Variants in NAALADL2 observed in about 807,000 individuals in gnomAD.
NAALADL2 encodes N-acetylated alpha-linked acidic dipeptidase like 2.
NAALADL2 carries 76 observed loss-of-function variants against 87.2 expected under a neutral mutation model. The ratio of observed to expected loss-of-function variants is 0.87; its 90% CI spans 0.72 to 1.05. NAALADL2 has a LOEUF of 1.05. NAALADL2 is among the 50% of genes least tolerant of loss of function. The pLI is 0.00. For missense variants in NAALADL2, 1,089 were observed against 945.8 expected, an observed-to-expected ratio of 1.15 and a Z score of -1.99; for synonymous variants, 354 against 331.0, an observed-to-expected ratio of 1.07 and a Z score of -0.75.
chr3:175,449,998 A>G (rs1188037866), intron 6 of NAALADL2, among the ~76,000 whole-genome samples: 2 of 152,230 alleles, frequency 1.3e-5, no homozygotes, highest in Admixed American at 1.3e-4. Context: ...AATACAGAAT[A>G]TACATTTAAA....
intron 1 of NAALADL2, among the ~76,000 whole-genome samples, chr3:174,527,346 C>T (rs1720860630): frequency 6.6e-6 from 1 of 151,822 alleles, no homozygotes; most frequent in South Asian, 2.1e-4. Context: ...TGGTGAAACT[C>T]TGTCTCTACT....
chr3:175,134,338 C>T (rs1204519094), intron 2 of NAALADL2, among the ~76,000 whole-genome samples: 1 of 152,150 alleles, frequency 6.6e-6, no homozygotes, highest in Admixed American at 6.5e-5. Context: ...TATTTGTGCA[C>T]GTTTCTATTG....
At position 174,765,380 on chromosome 3, in the gene NAALADL2, A is replaced by G. The variant is rs115966059; in HGVS notation, c.-9+27634A>G. ...TTACCAGCATAGAGAGAAAATGTTT[A>G]GTTTTATATTTATTACTAAATAAGT... is the stretch of plus-strand genomic sequence containing the variant. On this transcript the variant is annotated intron_variant, in intron 3 of 3. Coordinates refer to the NAALADL2 transcript ENST00000434257. 3.1e-3 allele frequency among the ~76,000 whole-genome samples: 469 copies of G among 152,334 alleles called. 2 individuals are homozygous for G. The highest frequency in any genetic ancestry group is 0.011 in the African/African-American group (449 of 41,580).
intron 1 of NAALADL2, among the ~76,000 whole-genome samples, chr3:174,913,474 T>C (rs1392705628): frequency 2.0e-5 from 3 of 152,192 alleles, no homozygotes; most frequent in Non-Finnish European, 4.4e-5. Context: ...GTCTGATTAA[T>C]GAGTAACATG....
chr3:175,407,447 C>A (rs1712614085), intron 5 of NAALADL2, among the ~76,000 whole-genome samples: 1 of 152,138 alleles, frequency 6.6e-6, no homozygotes, highest in Non-Finnish European at 1.5e-5. Flanking sequence ...AAGCAAAGCA[C>A]TCTATATGTT....
At chr3:175,497,829 C>T (rs565012892) in intron 9 of NAALADL2, among the ~76,000 whole-genome samples, 21 of 152,034 alleles carry the variant, frequency 1.4e-4, no homozygotes, top group Non-Finnish European at 2.8e-4. Flanking sequence ...CAAATCATAA[C>T]TAAGTTTCAG....
rs181544382 is a variant in NAALADL2, at chr3:175,138,988, C to A, written c.545+41697C>A. On this transcript the variant is annotated intron_variant, in intron 2 of 13. Transcript: ENST00000454872. ...TTTACAAATATCTTTTCAAGAGTTG[C>A]AAAAATTATGTATTTTAAATGTGTT... Among the ~76,000 whole-genome samples, 472 of 143,954 alleles carry A rather than the reference C, an allele frequency of 3.3e-3. 3 individuals are homozygous for A. Among genetic ancestry groups the A allele is most frequent in the Non-Finnish European group, 5.7e-3 (384 of 66,816 alleles). 94.4% of individuals were successfully genotyped at this position (143,954 alleles called of 152,430 possible). A position where few individuals can be genotyped will look rare whatever the true frequency, so the allele number is the denominator to read the frequency against.
intron 1 of NAALADL2, among the ~76,000 whole-genome samples, chr3:175,084,415 G>T (rs1209805116): frequency 1.3e-5 from 2 of 152,138 alleles, no homozygotes; most frequent in African/African-American, 4.8e-5. Context: ...TAGCTCTGCT[G>T]CTTCTCCTCG....
At chr3:174,864,200 A>G in intron 1 of NAALADL2, 1 of 359,616 alleles carries the variant, frequency 2.8e-6, no homozygotes. Context: ...GAGATTAGGA[A>G]AACAAAATCT....
At chr3:174,598,187 CATT>C (rs2108602816) in intron 2 of NAALADL2, among the ~76,000 whole-genome samples, 1 of 152,148 alleles carries the variant, frequency 6.6e-6, no homozygotes, top group East Asian at 1.9e-4. Context: ...TGGTAAACAT[CATT>C]TAAAATAAAG....
chr3:174,625,855 C>T lies in NAALADL2; in HGVS notation c.-115+75218C>T, dbSNP rs138970545. Among the ~76,000 whole-genome samples the T allele has an allele frequency of 4.6e-5, 7 of 151,978 alleles. No individual in the cohort carries two copies. In the East Asian group the frequency reaches 5.8e-4, roughly 13 times the overall value. Reference sequence around the variant, plus strand: ...GTTTATGGAAATATTCACACCTGTGCGCATATACATACTTCATTTGAAAAA... The same window carrying T: ...GTTTATGGAAATATTCACACCTGTGTGCATATACATACTTCATTTGAAAAA... On this transcript the variant is annotated intron_variant, in intron 2 of 3. Transcript: ENST00000434257.
intron 2 of NAALADL2, among the ~76,000 whole-genome samples, chr3:175,140,867 A>T (rs1729890306): frequency 6.6e-6 from 1 of 152,126 alleles, no homozygotes; most frequent in African/African-American, 2.4e-5. Context: ...GTTGAGCATG[A>T]TCCTGTCTCA....
chr3:175,324,032 A>C (rs71312325), intron 4 of NAALADL2, 143 bp from the exon 5 acceptor site: 82,436 of 587,076 alleles, frequency 0.14, 2,845 homozygotes, highest in East Asian at 0.32. Flanking sequence ...AACAAACAAA[A>C]AAAAAAAAAA....
At chr3:175,447,514 G>T in intron 6 of NAALADL2, 142 bp downstream of exon 6, 1 of 535,042 alleles carries the variant, frequency 1.9e-6, no homozygotes. Context: ...TTTCTTCTGT[G>T]GCTCTTTAGC....
intron 11 of NAALADL2, among the ~76,000 whole-genome samples, chr3:175,669,936 T>C (rs1004012514): frequency 3.9e-5 from 6 of 151,994 alleles, no homozygotes; most frequent in Non-Finnish European, 7.4e-5. Context: ...ACATAGTCTG[T>C]TATTTAAAAC....
At chr3:175,174,038 A>G (rs537787824) in intron 2 of NAALADL2, among the ~76,000 whole-genome samples, 2 of 152,180 alleles carry the variant, frequency 1.3e-5, no homozygotes, top group East Asian at 1.9e-4. Context: ...TTATTATTGT[A>G]CCCTCAATCA....
intron 5 of NAALADL2, among the ~76,000 whole-genome samples, chr3:175,394,836 G>A (rs943206525): frequency 6.6e-6 from 1 of 152,106 alleles, no homozygotes; most frequent in Non-Finnish European, 1.5e-5. Context: ...TTCCAAGTCT[G>A]AGGTGCAACA....
rs564742687 is a variant in NAALADL2 at position 174,651,541 on chromosome 3, T to A, written c.-114-86100T>A. Among the ~76,000 whole-genome samples the A allele has an allele frequency of 2.1e-3, 321 of 152,350 alleles. 2 individuals are homozygous for A. Among genetic ancestry groups the A allele is most frequent in the African/African-American group, 7.3e-3 (302 of 41,598 alleles). On this transcript the variant is annotated intron_variant, in intron 2 of 3. Transcript: ENST00000434257. ...TGGCTACATAATTGCTTTCTTTTTT[T>A]AAATAAAAACAATAACTTAGGCTTT... is the stretch of plus-strand genomic sequence containing the variant.
intron 2 of NAALADL2, among the ~76,000 whole-genome samples, chr3:174,595,418 A>G (rs543752117): frequency 1.2e-3 from 179 of 152,346 alleles, no homozygotes; most frequent in African/African-American, 4.0e-3. Context: ...TCAGAAATGC[A>G]TAATAGCTTT....
Sources: gnomAD v4.1 joint callset for allele counts (sites outside exome capture counted in the v4.1 genomes callset) on GRCh38, gnomAD v4.1.1 for gene constraint, MANE v1.5 for transcripts, NCBI Gene and HGNC (gene_info 2026-07-23, HGNC 2026-07-21) for gene names.